RUSF1: variants seen among roughly 807,000 people sequenced by gnomAD.
RUSF1 encodes RUS1 family protein C16orf58.
A neutral mutation model predicts 63.0 loss-of-function variants in RUSF1; 58 were observed. The observed-to-expected ratio is 0.92, with a 90% CI of 0.75 to 1.15. The LOEUF is 1.15. Ranked by LOEUF, RUSF1 falls within the 50% of genes most tolerant of loss-of-function variation. The pLI is 0.00. For synonymous variants in RUSF1, 274 were observed against 255.8 expected (o/e 1.07, Z -0.68); for missense variants, 652 against 611.0 (o/e 1.07, Z -0.71).
intron 10 of RUSF1, 143 bp downstream of exon 10, chr16:31,492,835 T>C (rs2082579694): frequency 1.3e-5 from 9 of 709,280 alleles, no homozygotes; most frequent in East Asian, 2.7e-5. Flanking sequence ...CACTGGGGCA[T>C]TGCAGCTGTA....
chr16:31,492,003 T>G lies in RUSF1; in HGVS notation c.1309+6A>C. The G allele has an allele frequency of 6.2e-7, 1 of 1,614,050 alleles. No individual in the cohort carries two copies. Among genetic ancestry groups the G allele is most frequent in the Non-Finnish European group, 8.5e-7 (1 of 1,179,922 alleles). On this transcript the variant is annotated splice_donor_region_variant and intron_variant, in intron 12 of 12. Transcript: ENST00000327237. ...GGCCAAGCAGCCATGGGCTGAGGGA[T>G]GTTACCTTTCAAGAACTTTGGGAAC...
chr16:31,496,874 T>C lies in RUSF1; in HGVS notation c.677A>G (p.Asp226Gly), dbSNP rs767235565. The change falls in exon 6 of 13, where the codon GAC becomes GGC. Residue 226 changes from aspartate to glycine, a missense_variant. Transcript: ENST00000327237. Reference protein sequence around the residue: ...VHQARRNNMADVSAKDSSQET... With the variant: ...VHQARRNNMAGVSAKDSSQET... ...CTGGCTGCTGTCCTTGGCTGACACGTCAGCCATGTTGTTCCTCCGAGCCTG... is the reference window on the plus strand; with the variant it reads ...CTGGCTGCTGTCCTTGGCTGACACGCCAGCCATGTTGTTCCTCCGAGCCTG... 7 of 1,605,692 alleles carry C rather than the reference T, an allele frequency of 4.4e-6. No individual in the cohort carries two copies. The East Asian group carries it at 1.3e-4, about 31-fold the overall frequency.
chr16:31,493,489 G>A lies in RUSF1; in HGVS notation c.994C>T (p.Pro332Ser). 6.2e-7 allele frequency: 1 copy of A among 1,610,830 alleles called. No individual in the cohort carries two copies. Among genetic ancestry groups the A allele is most frequent in the Non-Finnish European group, 8.5e-7 (1 of 1,178,508 alleles). Residue 332 changes from proline (P) to serine (S), a missense_variant, in exon 9 of 13, where the codon CCC becomes TCC. Transcript: ENST00000327237. Reference sequence around the variant, plus strand: ...CACCTGGAGACCAAGCGGTGTAAGGGGACCCCCAGGGATAGAGACGGAGCT... The same window carrying A: ...CACCTGGAGACCAAGCGGTGTAAGGAGACCCCCAGGGATAGAGACGGAGCT... ...WPAPSLSLGV[P>S]LHRLVSSVFE...
chr16:31,492,987 G>C lies in RUSF1; in HGVS notation c.1078C>G (p.Gln360Glu). The change falls in exon 10 of 13, where the codon CAG becomes GAG. Residue 360 changes from glutamine to glutamate, a missense_variant. By Grantham distance (29) the Gln-to-Glu change is conservative. Coordinates refer to ENST00000327237, the MANE Select transcript of RUSF1 (RefSeq NM_022744.4). ...AATGAGGCACACTCACTTTGTGACT[G>C]GTCCCAGCAGAGGAGGTAGGATTCT... ...HQESYLLCWD[Q>E]SQNQVQVVLN... 5 of 1,611,542 alleles carry C rather than the reference G, an allele frequency of 3.1e-6. No individual in the cohort carries two copies. Among genetic ancestry groups the C allele is most frequent in the Non-Finnish European group, 4.2e-6 (5 of 1,178,212 alleles).
intron 6 of RUSF1, among the ~76,000 whole-genome samples, 167 bp downstream of exon 6, chr16:31,496,682 A>G (rs2082604774): frequency 6.6e-6 from 1 of 152,172 alleles, no homozygotes; most frequent in South Asian, 2.1e-4. Flanking sequence ...ATCAGCTCGG[A>G]CTTGCCGCCA....
At position 31,492,076 on chromosome 16, in the gene RUSF1, T is replaced by C. The variant is rs190298510; in HGVS notation, c.1242A>G (p.Lys414=). The C allele has an allele frequency of 1.2e-5, 20 of 1,614,076 alleles. No homozygotes were observed. The East Asian group carries it at 1.6e-4, about 13-fold the overall frequency. The change falls in exon 12 of 13, where the codon AAA becomes AAG. Residue 414 remains lysine, a synonymous_variant. Transcript: ENST00000327237. The stretch of plus-strand genomic sequence containing the variant: ...TCTCCTTGACGACGACCCAGCTCTC[T>C]TTCTTAGGACCTGGGTACGGGGGTG... ...LRNRVRAGPK[K]ESWVVVKETH... is the part of the protein sequence containing the mutation.
In RUSF1 at chr16:31,501,148, A is replaced by T. The variant is rs370729887; in HGVS notation, c.416-417T>A. ...AGCTCTAAAATTAAAACTAAACAAT[A>T]TAGCACTTAGGAATATTTACCTATT... On this transcript the variant is annotated intron_variant, in intron 2 of 12. Coordinates refer to ENST00000327237, the MANE Select transcript of RUSF1 (RefSeq NM_022744.4). Among the ~76,000 whole-genome samples the T allele has an allele frequency of 9.8e-5, 15 of 152,338 alleles. No homozygotes were observed. The East Asian group carries it at 2.7e-3, about 27-fold the overall frequency.
At chr16:31,497,284 G>A (rs1276084762) in intron 5 of RUSF1, among the ~76,000 whole-genome samples, 2 of 151,910 alleles carry the variant, frequency 1.3e-5, no homozygotes, top group Non-Finnish European at 2.9e-5. Flanking sequence ...GGCTCAGGCT[G>A]GTTTCCAGCT....
At chr16:31,494,521 GA>G (rs1163304744) in intron 6 of RUSF1, among the ~76,000 whole-genome samples, 2,060 of 136,958 alleles carry the variant, frequency 0.015, 49 homozygotes, top group African/African-American at 0.048. Flanking sequence ...CTCCAAAAAA[GA>G]AAAAAAAAAA....
At chr16:31,495,957 G>C (rs574485209) in intron 6 of RUSF1, among the ~76,000 whole-genome samples, 3 of 152,216 alleles carry the variant, frequency 2.0e-5, no homozygotes, top group Non-Finnish European at 4.4e-5. Context: ...GGAATGCACA[G>C]AACAGCAGTT....
chr16:31,493,195 T>C (rs771096658), intron 9 of RUSF1, 147 bp from the exon 10 acceptor site: 21 of 917,082 alleles, frequency 2.3e-5, no homozygotes, highest in South Asian at 1.5e-4. Context: ...CCATTACCCA[T>C]ACACACCAAA....
intron 2 of RUSF1, among the ~76,000 whole-genome samples, chr16:31,503,873 G>A (rs1203200668): frequency 6.6e-6 from 1 of 152,166 alleles, no homozygotes; most frequent in Non-Finnish European, 1.5e-5. Context: ...TGTTGGTCAG[G>A]CTGGTCTCGA....
chr16:31,498,374 C>T (rs2082615073), intron 5 of RUSF1, among the ~76,000 whole-genome samples: 1 of 152,146 alleles, frequency 6.6e-6, no homozygotes, highest in Non-Finnish European at 1.5e-5. Flanking sequence ...TTTAGGGGTG[C>T]TCGTAGCATT....
Position 31,489,706 on chromosome 16 carries a change from T to C in RUSF1, c.*1129A>G. On this transcript the variant is annotated 3_prime_UTR_variant, in exon 13 of 13. Transcript: ENST00000327237. ...CCAGGCAGGGCTGATGGTGGCAGGG[T>C]GGGGTGAGGACAGGACAAGAGATCT... 2.2e-6 allele frequency: 1 copy of C among 454,286 alleles called. No individual in the cohort carries two copies. The highest frequency in any genetic ancestry group is 2.1e-5 in the South Asian group (1 of 46,894). The allele number at this position is 454,286 out of a possible 1,614,324, so 28.1% of individuals were successfully genotyped here. A position where few individuals can be genotyped will look rare whatever the true frequency, so the allele number is the denominator to read the frequency against.
At chr16:31,492,462 T>A in intron 10 of RUSF1, 122 bp from the exon 11 acceptor site, 1 of 1,155,044 alleles carries the variant, frequency 8.7e-7, no homozygotes, top group Non-Finnish European at 1.2e-6. Context: ...GGCTAGCACC[T>A]CACCCTTTCC....
At chr16:31,498,195 G>A (rs2082614231) in intron 5 of RUSF1, among the ~76,000 whole-genome samples, 1 of 152,128 alleles carries the variant, frequency 6.6e-6, no homozygotes, top group Non-Finnish European at 1.5e-5. Flanking sequence ...TGTGGAGAGG[G>A]GAACTCTAGA....
chr16:31,490,972 A>C, intron 12 of RUSF1, 40 bp from the exon 13 acceptor site: 1 of 1,602,056 alleles, frequency 6.2e-7, no homozygotes, highest in Non-Finnish European at 8.5e-7. Flanking sequence ...AATGCTGGGG[A>C]CAAGGGTAAG....
In RUSF1 at chr16:31,500,749, C is replaced by A; in HGVS notation, c.416-18G>T. 3.7e-6 allele frequency: 6 copies of A among 1,611,654 alleles called. No homozygotes were observed. The highest frequency in any genetic ancestry group is 5.1e-6 in the Non-Finnish European group (6 of 1,178,474). ...AGTTGAATCTGGGGGAAAGAAGGCA[C>A]AGGTAAGGAGCAAGGAAGAGGTGTG... is the stretch of plus-strand genomic sequence containing the variant. On this transcript the variant is annotated intron_variant, in intron 2 of 12. Transcript: ENST00000327237.
intron 2 of RUSF1, among the ~76,000 whole-genome samples, chr16:31,505,942 T>G (rs2082656737): frequency 6.6e-6 from 1 of 152,214 alleles, no homozygotes; most frequent in South Asian, 2.1e-4. Flanking sequence ...GCTGCTATGG[T>G]TCAGAAGCTG....
Sources: allele counts gnomAD v4.1 joint callset (sites outside exome capture counted in the v4.1 genomes callset), GRCh38; gene constraint gnomAD v4.1.1; transcripts MANE v1.5; gene names NCBI Gene and HGNC (gene_info 2026-07-23, HGNC 2026-07-21).